Variants in ABAT observed in about 807,000 individuals in gnomAD.
The protein encoded by ABAT is 4-aminobutyrate aminotransferase, mitochondrial.
In ABAT, 45 loss-of-function variants were observed where a neutral mutation model predicts 64.6. The observed-to-expected ratio is 0.70, with a 90% CI of 0.55 to 0.89. ABAT has a LOEUF of 0.89. Ranked by LOEUF, ABAT falls within the 40% of genes least tolerant of loss-of-function variation. The probability of loss-of-function intolerance (pLI) is 0.00; values close to 1 mark genes in which losing one functional copy is unlikely to be tolerated. For missense variants in ABAT, 633 were observed against 658.4 expected, an observed-to-expected ratio of 0.96 and a Z score of 0.42; for synonymous variants, 297 against 250.5, an observed-to-expected ratio of 1.19 and a Z score of -1.75.
At chr16:8,681,991 A>G (rs928919151) in intron 1 of ABAT, among the ~76,000 whole-genome samples, 9 of 152,104 alleles carry the variant, frequency 5.9e-5, no homozygotes, top group Non-Finnish European at 1.3e-4. Flanking sequence ...CCGGATGTTT[A>G]GCAGCATTCT....
chr16:8,773,862 C>G (rs1008072969), intron 12 of ABAT, among the ~76,000 whole-genome samples: 3 of 152,222 alleles, frequency 2.0e-5, no homozygotes, highest in Non-Finnish European at 4.4e-5. Context: ...CCATCCACGT[C>G]ATTGCTAATG....
chr16:8,761,379 T>C (rs761080591), intron 6 of ABAT, among the ~76,000 whole-genome samples: 27 of 152,200 alleles, frequency 1.8e-4, no homozygotes, highest in Non-Finnish European at 3.4e-4. Context: ...CTTACTGCCT[T>C]CCGGCTGTGT....
intron 1 of ABAT, among the ~76,000 whole-genome samples, chr16:8,677,090 C>G (rs1231608061): frequency 6.6e-6 from 1 of 152,204 alleles, no homozygotes; most frequent in Non-Finnish European, 1.5e-5. Flanking sequence ...CTGGAGACCT[C>G]TTATCTGGGT....
At chr16:8,735,325 C>T (rs2058888004) in intron 1 of ABAT, among the ~76,000 whole-genome samples, 1 of 151,934 alleles carries the variant, frequency 6.6e-6, no homozygotes, top group South Asian at 2.1e-4. Context: ...GATTATGGCT[C>T]ACTGCAGCCT....
Position 8,774,904 on chromosome 16 carries a change from C to G in ABAT, c.969C>G (p.Phe323Leu), listed in dbSNP as rs1341417413. Residue 323 changes from phenylalanine (F) to leucine (L), a missense_variant, in exon 13 of 16, where the codon TTC (phenylalanine) becomes TTG (leucine). Coordinates refer to ENST00000268251, the MANE Select transcript of ABAT (RefSeq NM_020686.6). ...RDIARKHGCA[F>L]LVDEVQTGGG... ...TCTCCGGCCAGCATGGCTGCGCCTT[C>G]TTGGTGGACGAGGTCCAGACCGGAG... 1 of 1,613,990 alleles carries G rather than the reference C, an allele frequency of 6.2e-7. No homozygotes were observed. Among genetic ancestry groups the G allele is most frequent in the Non-Finnish European group, 8.5e-7 (1 of 1,180,038 alleles).
chr16:8,759,008 A>G (rs553427451), intron 6 of ABAT, among the ~76,000 whole-genome samples: 1 of 152,126 alleles, frequency 6.6e-6, no homozygotes, highest in Non-Finnish European at 1.5e-5. Flanking sequence ...AGGCTGAGGC[A>G]GGAGAATTGC....
chr16:8,710,478 C>T (rs1355100538), intron 1 of ABAT, among the ~76,000 whole-genome samples: 1 of 151,994 alleles, frequency 6.6e-6, no homozygotes, highest in African/African-American at 2.4e-5. Context: ...TGGCTCACAC[C>T]TTTAATCTCA....
At chr16:8,690,893 C>A (rs147944256) in intron 1 of ABAT, among the ~76,000 whole-genome samples, 50 of 152,130 alleles carry the variant, frequency 3.3e-4, no homozygotes, top group African/African-American at 1.2e-3. Context: ...TGTAGGTGGC[C>A]GCTGTGTTCT....
chr16:8,735,595 C>A, intron 1 of ABAT, 104 bp from the exon 2 acceptor site: 1 of 968,530 alleles, frequency 1.0e-6, no homozygotes, highest in Non-Finnish European at 1.6e-6. Context: ...TTGACAATGT[C>A]AGAAGAACTT....
At chr16:8,760,980 G>A (rs2059778809) in intron 6 of ABAT, among the ~76,000 whole-genome samples, 1 of 152,220 alleles carries the variant, frequency 6.6e-6, no homozygotes, top group South Asian at 2.1e-4. Flanking sequence ...TCAGGAGGCT[G>A]AGGTGGGAGG....
chr16:8,782,800 G>T lies in ABAT; in HGVS notation c.*1370G>T, dbSNP rs2060469864. 1 of 152,312 alleles carries T rather than the reference G, an allele frequency of 6.6e-6. No homozygotes were observed. Among genetic ancestry groups the T allele is most frequent in the East Asian group, 1.9e-4 (1 of 5,190 alleles). The allele number at this position is 152,312 out of a possible 1,614,324, so 9.4% of individuals were successfully genotyped here. ...TGGGGAGTCTGAGAAAGCCTGGCTT[G>T]TATTATCTGTCCAAAAGGAAGCCTC... On this transcript the variant is annotated 3_prime_UTR_variant, in exon 16 of 16. Coordinates refer to ENST00000268251, the MANE Select transcript of ABAT (RefSeq NM_020686.6).
At chr16:8,688,920 A>G (rs1049065188) in intron 1 of ABAT, among the ~76,000 whole-genome samples, 1 of 152,160 alleles carries the variant, frequency 6.6e-6, no homozygotes, top group African/African-American at 2.4e-5. Flanking sequence ...TACTAAAAAT[A>G]CACAAAAAAA....
chr16:8,746,006 A>G lies in ABAT; in HGVS notation c.76A>G (p.Arg26Gly). The change falls in exon 3 of 16, where the codon AGA (arginine) becomes GGA (glycine). Residue 26 changes from arginine (R) to glycine (G), a missense_variant. Arg to Gly is a moderately radical substitution (Grantham distance 125). Coordinates refer to ENST00000268251, the MANE Select transcript of ABAT (RefSeq NM_020686.6). Reference sequence around the variant, plus strand: ...ATTGTCTTTGTTTACTGCAGGATCCAGACACATTAGTCAAGCTGCAGCCAA... The same window carrying G: ...ATTGTCTTTGTTTACTGCAGGATCCGGACACATTAGTCAAGCTGCAGCCAA... ...HSYRLLVPGS[R>G]HISQAAAKVD... is the part of the protein sequence containing the mutation. 1 of 1,613,942 alleles carries G rather than the reference A, an allele frequency of 6.2e-7. No individual in the cohort carries two copies. Among genetic ancestry groups the G allele is most frequent in the Non-Finnish European group, 8.5e-7 (1 of 1,179,870 alleles).
At chr16:8,709,350 TTTTATTTATTTATTTATTTA>T (rs149223193) in intron 1 of ABAT, among the ~76,000 whole-genome samples, 5 of 149,140 alleles carry the variant, frequency 3.4e-5, no homozygotes, top group Non-Finnish European at 7.4e-5. Flanking sequence ...TGACTCACAT[TTTTATTTATTTATTTATTTA>T]TTTATTTATT....
At chr16:8,709,035 A>C (rs2058012576) in intron 1 of ABAT, among the ~76,000 whole-genome samples, 1 of 152,182 alleles carries the variant, frequency 6.6e-6, no homozygotes, top group African/African-American at 2.4e-5. Flanking sequence ...CGTAAGCATA[A>C]AACACACATC....
intron 1 of ABAT, among the ~76,000 whole-genome samples, chr16:8,691,655 G>C (rs370962609): frequency 1.3e-5 from 2 of 152,108 alleles, no homozygotes; most frequent in African/African-American, 4.8e-5. Flanking sequence ...TGGCCAGGCG[G>C]GTCTCAAACT....
intron 1 of ABAT, 144 bp from the exon 2 acceptor site, chr16:8,735,555 A>C (rs2058897538): frequency 5.4e-6 from 4 of 739,716 alleles, no homozygotes; most frequent in African/African-American, 1.7e-5. Flanking sequence ...CTAATATATA[A>C]AGTCCATGTT....
chr16:8,728,311 A>T (rs896281302), intron 1 of ABAT, among the ~76,000 whole-genome samples: 4 of 152,202 alleles, frequency 2.6e-5, no homozygotes, highest in South Asian at 2.1e-4. Flanking sequence ...ATATTTTCCA[A>T]TGTGACATTT....
intron 1 of ABAT, among the ~76,000 whole-genome samples, chr16:8,732,215 TTG>T (rs2058746020): frequency 1.4e-5 from 2 of 141,462 alleles, no homozygotes; most frequent in Admixed American, 6.9e-5. Context: ...TTTTGTTTGT[TTG>T]TTTTTTTAAT....
Sources: gnomAD v4.1 joint callset for allele counts (sites outside exome capture counted in the v4.1 genomes callset) on GRCh38, gnomAD v4.1.1 for gene constraint, MANE v1.5 for transcripts, NCBI Gene and HGNC (gene_info 2026-07-23, HGNC 2026-07-21) for gene names.